ZFYVE9: variants seen among roughly 807,000 people sequenced by gnomAD.
ZFYVE9 encodes the protein zinc finger FYVE domain-containing protein 9.
ZFYVE9 carries 43 observed loss-of-function variants against 126.7 expected under a neutral mutation model. That is an observed-to-expected ratio of 0.34 (90% CI 0.27 to 0.44). The LOEUF is 0.44. Ranked by LOEUF, ZFYVE9 falls within the 20% of genes least tolerant of loss-of-function variation. The pLI, the probability that ZFYVE9 is intolerant of heterozygous loss-of-function variation, is 1.00. For synonymous variants in ZFYVE9, 521 were observed against 597.4 expected (o/e 0.87, Z 1.87); for missense variants, 1,476 against 1,697.0 (o/e 0.87, Z 2.29).
chr1:52,211,877 A>G (rs1182134790), intron 1 of ZFYVE9, among the ~76,000 whole-genome samples: 1 of 152,172 alleles, frequency 6.6e-6, no homozygotes, highest in Non-Finnish European at 1.5e-5. Flanking sequence ...TCTGTTATAA[A>G]CATGTTCATA....
chr1:52,331,477 G>GT (rs1271150022), intron 13 of ZFYVE9, among the ~76,000 whole-genome samples: 1 of 151,268 alleles, frequency 6.6e-6, no homozygotes, highest in East Asian at 2.0e-4. Context: ...TGTCGGCCGG[G>GT]TGCAGTGGCT....
At chr1:52,174,410 A>C (rs1347469072) in intron 1 of ZFYVE9, among the ~76,000 whole-genome samples, 1 of 150,968 alleles carries the variant, frequency 6.6e-6, no homozygotes, top group Non-Finnish European at 1.5e-5. Context: ...TGCTGAGGAG[A>C]GCTTTACTTC....
chr1:52,289,366 G>A (rs1228539282), intron 10 of ZFYVE9, among the ~76,000 whole-genome samples: 2 of 152,096 alleles, frequency 1.3e-5, no homozygotes, highest in Non-Finnish European at 2.9e-5. Context: ...GTACCGTTCT[G>A]CTTACCTACT....
intron 8 of ZFYVE9, among the ~76,000 whole-genome samples, chr1:52,277,381 C>T (rs1256855255): frequency 2.6e-5 from 4 of 152,036 alleles, no homozygotes; most frequent in South Asian, 2.1e-4. Flanking sequence ...AAGTTATGTC[C>T]GTTAAATCTA....
intron 1 of ZFYVE9, among the ~76,000 whole-genome samples, chr1:52,165,262 G>A (rs1434753253): frequency 1.3e-5 from 2 of 151,968 alleles, no homozygotes; most frequent in African/African-American, 2.4e-5. Flanking sequence ...TTTTATTAAA[G>A]TCAGAAACAA....
chr1:52,310,843 A>G (rs189769882), intron 13 of ZFYVE9, among the ~76,000 whole-genome samples: 15 of 152,224 alleles, frequency 9.9e-5, no homozygotes, highest in African/African-American at 3.6e-4. Flanking sequence ...GGCATTTCCT[A>G]ATATGTGACT....
At chr1:52,165,780 TA>T (rs1325179718) in intron 1 of ZFYVE9, among the ~76,000 whole-genome samples, 1 of 152,132 alleles carries the variant, frequency 6.6e-6, no homozygotes, top group African/African-American at 2.4e-5. Context: ...GTGATCAGCA[TA>T]GTTCCTAGAA....
intron 3 of ZFYVE9, among the ~76,000 whole-genome samples, chr1:52,237,009 G>A (rs543800244): frequency 6.6e-6 from 1 of 152,028 alleles, no homozygotes; most frequent in African/African-American, 2.4e-5. Context: ...GATCTTAACT[G>A]TCCAGTTTTG....
chr1:52,215,806 A>G (rs192786753), intron 1 of ZFYVE9, among the ~76,000 whole-genome samples: 6 of 152,326 alleles, frequency 3.9e-5, no homozygotes, highest in Admixed American at 3.3e-4. Flanking sequence ...TTTTGCATGC[A>G]TGCCTGATAG....
Position 52,237,803 on chromosome 1 carries a change from T to C in ZFYVE9, c.386T>C (p.Val129Ala), listed in dbSNP as rs770838150. ...NYSWDDQCSA[V>A]EVGEKKCGNL... ...AGTTGGGATGATCAATGCAGTGCTG[T>C]TGAAGTGGGAGAGAAGAAATGTGGA... Residue 129 changes from valine to alanine, a missense_variant, in exon 4 of 19, where the codon GTT (valine) becomes GCT (alanine). By Grantham distance (64) the Val-to-Ala change is moderately conservative. Transcript: ENST00000287727. 49 of 1,614,064 alleles carry C rather than the reference T, an allele frequency of 3.0e-5. No homozygotes were observed. In the Admixed American group the frequency reaches 7.2e-4, roughly 24 times the overall value.
chr1:52,166,532 T>C (rs925875930), intron 1 of ZFYVE9, among the ~76,000 whole-genome samples: 1 of 152,224 alleles, frequency 6.6e-6, no homozygotes, highest in African/African-American at 2.4e-5. Context: ...GTTTTAATAA[T>C]ACAGGGCTTA....
chr1:52,295,466 C>T (rs1229406380), intron 11 of ZFYVE9, among the ~76,000 whole-genome samples: 2 of 152,060 alleles, frequency 1.3e-5, no homozygotes, highest in Non-Finnish European at 2.9e-5. Context: ...AGCCATCCTT[C>T]TACCTCTCAG....
intron 6 of ZFYVE9, among the ~76,000 whole-genome samples, chr1:52,267,799 G>C (rs1285932761): frequency 6.6e-6 from 1 of 152,116 alleles, no homozygotes; most frequent in Non-Finnish European, 1.5e-5. Flanking sequence ...TCTAAAACTG[G>C]ACTTAAAGGG....
chr1:52,183,543 C>G (rs1644734274), intron 1 of ZFYVE9, among the ~76,000 whole-genome samples: 1 of 152,108 alleles, frequency 6.6e-6, no homozygotes, highest in Admixed American at 6.6e-5. Flanking sequence ...CTCACTTTTT[C>G]CCTGGCTGGA....
At chr1:52,177,643 G>A (rs1039600149) in intron 1 of ZFYVE9, among the ~76,000 whole-genome samples, 1 of 152,216 alleles carries the variant, frequency 6.6e-6, no homozygotes, top group Non-Finnish European at 1.5e-5. Context: ...AAGATGATCA[G>A]TTCCATCTGG....
chr1:52,254,650 C>A (rs969062500), intron 4 of ZFYVE9, among the ~76,000 whole-genome samples: 2 of 152,114 alleles, frequency 1.3e-5, no homozygotes, highest in African/African-American at 4.8e-5. Context: ...ATAGCAAATA[C>A]ATTTAAAGTA....
intron 8 of ZFYVE9, among the ~76,000 whole-genome samples, chr1:52,275,903 A>ATTTTT (rs34282653): frequency 2.2e-4 from 25 of 115,652 alleles, no homozygotes; most frequent in Admixed American, 2.7e-4. Context: ...TTAGCAAGCA[A>ATTTTT]TTTTTTTTTT....
chr1:52,159,990 G>T (rs965231554), intron 1 of ZFYVE9, among the ~76,000 whole-genome samples: 6 of 149,660 alleles, frequency 4.0e-5, no homozygotes, highest in Admixed American at 1.3e-4. Flanking sequence ...TAGAGTCGGG[G>T]TTTCTTTTTT....
At position 52,238,481 on chromosome 1, in the gene ZFYVE9, G is replaced by A. The variant is rs150425258; in HGVS notation, c.1064G>A (p.Cys355Tyr). 2,488 of 1,614,112 alleles carry A rather than the reference G, an allele frequency of 1.5e-3. 13 individuals are homozygous for A. Among genetic ancestry groups the A allele is most frequent in the Middle Eastern group, 0.011 (67 of 6,062 alleles). The change falls in exon 4 of 19, where the codon TGT becomes TAT. Residue 355 changes from cysteine to tyrosine, a missense_variant. This residue lies in a region of ZFYVE9 where 807 missense variants were observed against 794.6 expected (regional missense o/e 1.02). Coordinates refer to ENST00000287727, the MANE Select transcript of ZFYVE9 (RefSeq NM_004799.4). ...MPNGSGRNND[C>Y]ERCSDCLVPN... ...AATGGGTCTGGAAGGAATAATGACTGTGAACGGTGTTCAGATTGCCTTGTG... is the reference window on the plus strand; with the variant it reads ...AATGGGTCTGGAAGGAATAATGACTATGAACGGTGTTCAGATTGCCTTGTG...
Sources: gnomAD v4.1 joint callset for allele counts (sites outside exome capture counted in the v4.1 genomes callset) on GRCh38, gnomAD v4.1.1 for gene constraint, gnomAD v4.1.1 regional missense constraint, MANE v1.5 for transcripts, NCBI Gene and HGNC (gene_info 2026-07-23, HGNC 2026-07-21) for gene names.